Variants in ERICH6 observed in about 807,000 individuals in gnomAD.
The protein encoded by ERICH6 is glutamate rich 6.
A neutral mutation model predicts 71.0 loss-of-function variants in ERICH6; 71 were observed. The ratio of observed to expected loss-of-function variants is 1.00; its 90% CI spans 0.83 to 1.22. The LOEUF (loss-of-function observed/expected upper bound fraction) is 1.22, where lower values mean the gene tolerates loss of function less well. Ranked by LOEUF, ERICH6 falls within the 50% of genes most tolerant of loss-of-function variation. ERICH6 has a pLI of 0.00. For missense variants in ERICH6, 808 were observed against 797.2 expected, an observed-to-expected ratio of 1.01 and a Z score of -0.16; for synonymous variants, 262 against 278.4, an observed-to-expected ratio of 0.94 and a Z score of 0.59.
intron 11 of ERICH6, among the ~76,000 whole-genome samples, chr3:150,672,804 C>T (rs746861650): frequency 7.3e-5 from 11 of 151,402 alleles, no homozygotes; most frequent in South Asian, 4.2e-4. Context: ...GTGGGAGGAT[C>T]GCTTGCACCC....
intron 9 of ERICH6, 110 bp from the exon 10 acceptor site, chr3:150,678,664 A>AT (rs1259406517): frequency 3.7e-6 from 3 of 811,588 alleles, no homozygotes; most frequent in Non-Finnish European, 5.5e-6. Context: ...TTCATAAGAC[A>AT]TTTTTATATT....
intron 7 of ERICH6, among the ~76,000 whole-genome samples, chr3:150,681,505 C>T (rs946993855): frequency 2.6e-5 from 4 of 152,166 alleles, no homozygotes; most frequent in Admixed American, 2.6e-4. Flanking sequence ...CTGCTGTCAA[C>T]ATTTTTGTAC....
At position 150,680,927 on chromosome 3, in the gene ERICH6, A is replaced by G; in HGVS notation, c.886T>C (p.Ser296Pro). The change falls in exon 8 of 14, where the codon TCC becomes CCC. Residue 296 changes from serine (S) to proline (P), a missense_variant. By Grantham distance (74) the Ser-to-Pro change is moderately conservative. This residue lies in a region of ERICH6 where 736 missense variants were observed against 712.2 expected (regional missense o/e 1.03). Transcript: ENST00000295910. ...DVSSEPKGHASCCIAFQNLID... is the reference protein window; with the variant it reads ...DVSSEPKGHAPCCIAFQNLID... ...AGATTTTGGAAAGCAATACAACAGG[A>G]GGCCTGGAAAACACAGAAGTTACTC... is the stretch of plus-strand genomic sequence containing the variant. The G allele has an allele frequency of 6.2e-7, 1 of 1,606,964 alleles. No homozygotes were observed. Among genetic ancestry groups the G allele is most frequent in the Non-Finnish European group, 8.5e-7 (1 of 1,177,342 alleles).
intron 1 of ERICH6, among the ~76,000 whole-genome samples, chr3:150,702,821 G>T (rs9879627): frequency 0.31 from 41,803 of 135,816 alleles, 7,189 homozygotes; most frequent in East Asian, 0.57. Flanking sequence ...AAAGAGAGTT[G>T]TTTTTTTTTT....
chr3:150,676,142 A>G (rs575060061), intron 10 of ERICH6, among the ~76,000 whole-genome samples: 19 of 152,126 alleles, frequency 1.2e-4, no homozygotes, highest in African/African-American at 3.9e-4. Context: ...TTTAATCCCC[A>G]TAATGAGTTT....
chr3:150,702,122 T>C lies in ERICH6; in HGVS notation c.460A>G (p.Arg154Gly). 6.4e-7 allele frequency: 1 copy of C among 1,557,434 alleles called. No homozygotes were observed. The highest frequency in any genetic ancestry group is 8.8e-7 in the Non-Finnish European group (1 of 1,140,100). The change falls in exon 2 of 14, where the codon AGA becomes GGA. Residue 154 changes from arginine to glycine, a missense_variant and splice_region_variant. Around this residue, in one of 3 missense-constraint regions of ERICH6, gnomAD observed 736 missense variants for 712.2 expected, o/e 1.03. Transcript: ENST00000295910. The stretch of plus-strand genomic sequence containing the variant: ...TGAAATTTGAAAACATTTTCTTACC[T>C]ATCTATACTCATTTCAGACATGTCT... ...RKDMSEMSID[R>G]NIHRNLSPGI...
At chr3:150,695,590 C>T (rs1326072358) in intron 3 of ERICH6, among the ~76,000 whole-genome samples, 1 of 152,066 alleles carries the variant, frequency 6.6e-6, no homozygotes, top group African/African-American at 2.4e-5. Flanking sequence ...ATCGCTTGAA[C>T]CTGGGAGGCG....
chr3:150,677,930 A>G (rs1711724893), intron 10 of ERICH6, among the ~76,000 whole-genome samples: 2 of 152,372 alleles, frequency 1.3e-5, no homozygotes, highest in Admixed American at 1.3e-4. Context: ...TTTGATTACA[A>G]GAAAAATGTT....
intron 11 of ERICH6, among the ~76,000 whole-genome samples, chr3:150,670,530 A>G (rs1324909403): frequency 6.6e-6 from 1 of 152,034 alleles, no homozygotes; most frequent in Non-Finnish European, 1.5e-5. Context: ...TTAGGGAAAA[A>G]AAAAAGGAAA....
chr3:150,663,651 C>T (rs909773196), intron 13 of ERICH6, among the ~76,000 whole-genome samples: 2 of 152,016 alleles, frequency 1.3e-5, no homozygotes, highest in African/African-American at 4.8e-5. Context: ...ATTTAAAAAA[C>T]GACTTTCATA....
chr3:150,680,460 G>T lies in ERICH6; in HGVS notation c.1111+8C>A, dbSNP rs202048911. ...GCTGGTCTATAAGATCAGCACTAAT[G>T]AACTCACCATCTTCAGAGAAATGAG... On this transcript the variant is annotated splice_region_variant and intron_variant, in intron 9 of 13. Coordinates refer to ENST00000295910, the MANE Select transcript of ERICH6 (RefSeq NM_152394.5). 1.9e-6 allele frequency: 3 copies of T among 1,613,688 alleles called. No homozygotes were observed. Among genetic ancestry groups the T allele is most frequent in the Non-Finnish European group, 2.5e-6 (3 of 1,179,614 alleles).
chr3:150,661,540 T>C (rs1727224510), intron 13 of ERICH6, among the ~76,000 whole-genome samples: 1 of 152,102 alleles, frequency 6.6e-6, no homozygotes, highest in Non-Finnish European at 1.5e-5. Context: ...GGAAAAATAA[T>C]TAGGAGATAG....
At chr3:150,671,955 A>G in intron 11 of ERICH6, among the ~76,000 whole-genome samples, 1 of 152,168 alleles carries the variant, frequency 6.6e-6, no homozygotes. Context: ...TTAATTCAAG[A>G]AAATAAGTGG....
intron 6 of ERICH6, among the ~76,000 whole-genome samples, chr3:150,682,610 T>C (rs1043852566): frequency 3.9e-5 from 6 of 152,174 alleles, no homozygotes; most frequent in Admixed American, 3.9e-4. Context: ...AGAAATGAAT[T>C]CACTGTGGAT....
At chr3:150,689,798 A>T (rs941876716) in intron 3 of ERICH6, among the ~76,000 whole-genome samples, 1 of 152,176 alleles carries the variant, frequency 6.6e-6, no homozygotes, top group Non-Finnish European at 1.5e-5. Flanking sequence ...GGGGTTCCTT[A>T]AAGAAAACAG....
chr3:150,691,333 TAAAAG>T (rs1712421979), intron 3 of ERICH6, among the ~76,000 whole-genome samples: 1 of 152,200 alleles, frequency 6.6e-6, no homozygotes, highest in African/African-American at 2.4e-5. Flanking sequence ...AAAACATTCT[TAAAAG>T]AAAAGGGTGT....
intron 11 of ERICH6, among the ~76,000 whole-genome samples, chr3:150,671,340 C>T (rs73152539): frequency 6.6e-6 from 1 of 152,190 alleles, no homozygotes; most frequent in Non-Finnish European, 1.5e-5. Context: ...CATTTTTTTG[C>T]TTCTTGTTTT....
At chr3:150,703,006 G>A (rs1275030791) in intron 1 of ERICH6, among the ~76,000 whole-genome samples, 1 of 150,408 alleles carries the variant, frequency 6.6e-6, no homozygotes, top group Non-Finnish European at 1.5e-5. Context: ...GAGAGAGAGA[G>A]AGAGAGAGAT....
intron 3 of ERICH6, among the ~76,000 whole-genome samples, chr3:150,687,343 C>T (rs1712238579): frequency 1.3e-5 from 2 of 152,088 alleles, no homozygotes; most frequent in Admixed American, 1.3e-4. Flanking sequence ...CAGAAATTTC[C>T]CACTAACATT....
Sources: allele counts gnomAD v4.1 joint callset (sites outside exome capture counted in the v4.1 genomes callset), GRCh38; gene constraint gnomAD v4.1.1; regional missense constraint gnomAD v4.1.1; transcripts MANE v1.5; gene names NCBI Gene and HGNC (gene_info 2026-07-23, HGNC 2026-07-21).